Variants in CCDC181 observed in about 807,000 individuals in gnomAD.
CCDC181 encodes coiled-coil domain containing 181.
In CCDC181, 35 loss-of-function variants were observed where a neutral mutation model predicts 58.7. That is an observed-to-expected ratio of 0.60 (90% CI 0.46 to 0.79). The LOEUF is 0.79. Ranked by LOEUF, CCDC181 falls within the 30% of genes least tolerant of loss-of-function variation. The probability of loss-of-function intolerance (pLI) is 0.00; values close to 1 mark genes in which losing one functional copy is unlikely to be tolerated. For missense variants in CCDC181, 517 were observed against 583.9 expected (o/e 0.89, Z 1.18); for synonymous variants, 183 against 197.5 (o/e 0.93, Z 0.62).
intron 4 of CCDC181, among the ~76,000 whole-genome samples, chr1:169,410,860 T>C (rs144527897): frequency 0.075 from 11,356 of 152,114 alleles, 1,552 homozygotes; most frequent in East Asian, 0.67. Flanking sequence ...AAAGACACAA[T>C]GTACCAGATC....
chr1:169,413,019 CA>C (rs1428095732), intron 4 of CCDC181, among the ~76,000 whole-genome samples: 1 of 152,136 alleles, frequency 6.6e-6, no homozygotes. Context: ...CCAACATTGA[CA>C]AATGGGATCT....
At chr1:169,429,910 C>G (rs192460739), upstream of CCDC181, among the ~76,000 whole-genome samples, 139 of 152,218 alleles carry the variant, frequency 9.1e-4, 1 homozygote, top group Non-Finnish European at 1.8e-3. Flanking sequence ...TTTTCCAATG[C>G]TATCTTCTAG....
chr1:169,423,485 C>T (rs1319516321), intron 2 of CCDC181, among the ~76,000 whole-genome samples: 1 of 151,918 alleles, frequency 6.6e-6, no homozygotes, highest in Non-Finnish European at 1.5e-5. Flanking sequence ...TCCCCTGACC[C>T]TCTTATGTGT....
chr1:169,450,572 G>A (rs565644020), intron 2 of CCDC181, among the ~76,000 whole-genome samples: 2 of 152,256 alleles, frequency 1.3e-5, no homozygotes, highest in Non-Finnish European at 2.9e-5. Flanking sequence ...AGACATTTGG[G>A]TTGTTTCTAC....
intron 2 of CCDC181, among the ~76,000 whole-genome samples, chr1:169,435,234 A>G (rs1467052052): frequency 6.6e-6 from 1 of 152,156 alleles, no homozygotes; most frequent in African/African-American, 2.4e-5. Context: ...AAAAGATCAC[A>G]TATTGTATAA....
chr1:169,404,231 G>C (rs141986223), intron 4 of CCDC181, among the ~76,000 whole-genome samples: 27 of 152,146 alleles, frequency 1.8e-4, no homozygotes, highest in Admixed American at 1.2e-3. Flanking sequence ...TCTACCAGAG[G>C]TACAAAGAGG....
intron 4 of CCDC181, among the ~76,000 whole-genome samples, chr1:169,417,470 T>G (rs915114337): frequency 2.6e-5 from 4 of 152,074 alleles, no homozygotes; most frequent in Admixed American, 2.6e-4. Context: ...GGAAGGGGTG[T>G]GAAGCTTCCA....
At chr1:169,427,188 C>A (rs1327562638) in intron 1 of CCDC181, 100 bp downstream of exon 1, 1 of 152,238 alleles carries the variant, frequency 6.6e-6, no homozygotes, top group Non-Finnish European at 1.5e-5. Flanking sequence ...ACTACCTACC[C>A]TCCCTCCCAG....
chr1:169,402,858 T>C (rs1655428605), intron 4 of CCDC181, among the ~76,000 whole-genome samples: 2 of 152,086 alleles, frequency 1.3e-5, no homozygotes, highest in African/African-American at 4.8e-5. Flanking sequence ...AGACACAGAC[T>C]GGCACATTGG....
chr1:169,431,892 C>T (rs914532172), upstream of CCDC181, among the ~76,000 whole-genome samples: 1 of 152,298 alleles, frequency 6.6e-6, no homozygotes, highest in South Asian at 2.1e-4. Flanking sequence ...AGCTTTTACT[C>T]CTCCAGCTGA....
intron 2 of CCDC181, among the ~76,000 whole-genome samples, chr1:169,446,361 T>C (rs1169376961): frequency 6.6e-6 from 1 of 152,114 alleles, no homozygotes; most frequent in Non-Finnish European, 1.5e-5. Flanking sequence ...GGAGAACTGC[T>C]TGAACCCAGG....
chr1:169,414,584 A>G (rs2102073810), intron 4 of CCDC181, among the ~76,000 whole-genome samples: 1 of 152,328 alleles, frequency 6.6e-6, no homozygotes, highest in Admixed American at 6.5e-5. Context: ...GTGTGTGTAT[A>G]CATATATATC....
chr1:169,401,332 G>A (rs1043976583), intron 4 of CCDC181, among the ~76,000 whole-genome samples: 2 of 152,244 alleles, frequency 1.3e-5, no homozygotes. Context: ...TGAGATCTGA[G>A]AAAGGACAGA....
At chr1:169,445,260 A>G (rs1657342173) in intron 2 of CCDC181, among the ~76,000 whole-genome samples, 1 of 152,112 alleles carries the variant, frequency 6.6e-6, no homozygotes, top group Admixed American at 6.6e-5. Flanking sequence ...ATTCACTATG[A>G]TTTTAGGTGT....
At chr1:169,428,346 G>T (rs2102109054), upstream of CCDC181, among the ~76,000 whole-genome samples, 1 of 151,978 alleles carries the variant, frequency 6.6e-6, no homozygotes, top group South Asian at 2.1e-4. Flanking sequence ...GCTAAAGGTT[G>T]AAGGAATTTT....
chr1:169,431,331 G>A (rs1235939689), upstream of CCDC181, among the ~76,000 whole-genome samples: 1 of 152,042 alleles, frequency 6.6e-6, no homozygotes, highest in Non-Finnish European at 1.5e-5. Flanking sequence ...TCTTTCTCTT[G>A]CCTGGTTGGG....
At chr1:169,418,325 T>C (rs34599582) in intron 4 of CCDC181, among the ~76,000 whole-genome samples, 11,247 of 151,988 alleles carry the variant, frequency 0.074, 1,546 homozygotes, top group East Asian at 0.67. Flanking sequence ...GAGATTTAAA[T>C]GTAATGGCTT....
At chr1:169,443,438 T>C (rs1307343597) in intron 2 of CCDC181, 1 of 152,158 alleles carries the variant, frequency 6.6e-6, no homozygotes, top group East Asian at 1.9e-4. Flanking sequence ...GAATAAATTA[T>C]GGAAAAGAAA....
chr1:169,414,542 T>C (rs772661608), intron 4 of CCDC181, among the ~76,000 whole-genome samples: 15 of 152,186 alleles, frequency 9.9e-5, no homozygotes, highest in African/African-American at 2.4e-4. Context: ...ACGGTTAACA[T>C]AGATAGACTA....
Sources: gnomAD v4.1 joint callset for allele counts (sites outside exome capture counted in the v4.1 genomes callset) on GRCh38, gnomAD v4.1.1 for gene constraint, MANE v1.5 for transcripts, NCBI Gene and HGNC (gene_info 2026-07-23, HGNC 2026-07-21) for gene names.